CSGALNACT1: variants seen among roughly 807,000 people sequenced by gnomAD.
The protein encoded by CSGALNACT1 is chondroitin sulfate N-acetylgalactosaminyltransferase 1, also known as beta4GalNAcT-1.
A neutral mutation model predicts 51.0 loss-of-function variants in CSGALNACT1; 52 were observed. That is an observed-to-expected ratio of 1.02 (90% confidence interval 0.82 to 1.29). The LOEUF (loss-of-function observed/expected upper bound fraction) is 1.29. CSGALNACT1 is among the 50% of genes most tolerant of loss of function. CSGALNACT1 has a pLI of 0.00. For missense variants in CSGALNACT1, 935 were observed against 679.2 expected (o/e 1.38, Z -4.19); for synonymous variants, 341 against 254.4 (o/e 1.34, Z -3.24).
chr8:19,591,251 C>A (rs1037194062), exon 3 of CSGALNACT1: 3 of 152,214 alleles, frequency 2.0e-5, no homozygotes, highest in African/African-American at 7.2e-5. Flanking sequence ...CAGCTCCCCA[C>A]ATTTTATGCC....
chr8:19,419,047 T>A (rs1389650888), intron 7 of CSGALNACT1, among the ~76,000 whole-genome samples: 1 of 152,112 alleles, frequency 6.6e-6, no homozygotes, highest in Admixed American at 6.6e-5. Context: ...GGTTTCACCA[T>A]GTTGGTCAGG....
intron 3 of CSGALNACT1, among the ~76,000 whole-genome samples, chr8:19,512,291 G>C (rs925846971): frequency 6.6e-6 from 1 of 152,190 alleles, no homozygotes; most frequent in Non-Finnish European, 1.5e-5. Context: ...CCCTGAAAGA[G>C]CTTGAAAATG....
At chr8:19,411,316 C>T (rs147487277) in intron 8 of CSGALNACT1, among the ~76,000 whole-genome samples, 80 of 152,340 alleles carry the variant, frequency 5.3e-4, no homozygotes, top group African/African-American at 1.7e-3. Flanking sequence ...ATCTGCTTCT[C>T]TGTTTGCTGA....
At chr8:19,660,405 T>A (rs1049015893) in intron 1 of CSGALNACT1, among the ~76,000 whole-genome samples, 5 of 152,168 alleles carry the variant, frequency 3.3e-5, no homozygotes, top group African/African-American at 1.2e-4. Context: ...AATTATACCT[T>A]CTGTCACTGC....
intron 1 of CSGALNACT1, among the ~76,000 whole-genome samples, chr8:19,725,161 T>C (rs1044011860): frequency 2.0e-5 from 3 of 152,226 alleles, no homozygotes; most frequent in Admixed American, 6.5e-5. Flanking sequence ...TCTGACACTA[T>C]GGATAACTGT....
chr8:19,423,441 G>A (rs1329851244), intron 6 of CSGALNACT1, among the ~76,000 whole-genome samples: 1 of 152,164 alleles, frequency 6.6e-6, no homozygotes, highest in East Asian at 1.9e-4. Flanking sequence ...TTGGTGGTGT[G>A]CATGCTTACC....
intron 8 of CSGALNACT1, among the ~76,000 whole-genome samples, chr8:19,417,041 A>T (rs1457077308): frequency 6.6e-6 from 1 of 151,900 alleles, no homozygotes; most frequent in Non-Finnish European, 1.5e-5. Flanking sequence ...TTTTTAGTAG[A>T]GATGGGTTTT....
intron 1 of CSGALNACT1, among the ~76,000 whole-genome samples, chr8:19,666,888 AGAGAGG>A (rs1564384367): frequency 1.0e-4 from 14 of 140,076 alleles, no homozygotes; most frequent in Admixed American, 5.7e-4. Context: ...AAAGAAAGAG[AGAGAGG>A]AAGTGAGGAA....
chr8:19,549,303 T>C (rs2087301517), intron 3 of CSGALNACT1, among the ~76,000 whole-genome samples: 1 of 152,176 alleles, frequency 6.6e-6, no homozygotes, highest in Non-Finnish European at 1.5e-5. Context: ...TAAATATTGT[T>C]CCTAACTAAG....
At chr8:19,528,931 C>T (rs1182867140) in intron 3 of CSGALNACT1, among the ~76,000 whole-genome samples, 1 of 152,168 alleles carries the variant, frequency 6.6e-6, no homozygotes, top group African/African-American at 2.4e-5. Flanking sequence ...TGGGGAAGGG[C>T]ACACAGCCTT....
chr8:19,589,172 C>G (rs1167312468), intron 3 of CSGALNACT1, among the ~76,000 whole-genome samples: 1 of 152,132 alleles, frequency 6.6e-6, no homozygotes, highest in African/African-American at 2.4e-5. Context: ...TTGCAGTAGG[C>G]TGGGTAAAGC....
At chr8:19,685,221 G>A (rs572265767), upstream of CSGALNACT1, among the ~76,000 whole-genome samples, 38 of 152,300 alleles carry the variant, frequency 2.5e-4, no homozygotes, top group African/African-American at 8.4e-4. Flanking sequence ...CAAGATAATG[G>A]GAGTTTTTTC....
At chr8:19,509,305 T>A (rs975830670) in intron 3 of CSGALNACT1, among the ~76,000 whole-genome samples, 70 of 152,122 alleles carry the variant, frequency 4.6e-4, no homozygotes, top group African/African-American at 1.7e-3. Context: ...TTTCCTTCGG[T>A]AGCACAAAAC....
intron 4 of CSGALNACT1, among the ~76,000 whole-genome samples, chr8:19,473,045 G>C (rs1216853186): frequency 1.3e-5 from 2 of 152,096 alleles, no homozygotes; most frequent in Non-Finnish European, 2.9e-5. Context: ...CAGTCAAACA[G>C]GTCAGGACTC....
intron 3 of CSGALNACT1, among the ~76,000 whole-genome samples, chr8:19,519,000 G>A (rs745942774): frequency 6.6e-6 from 1 of 152,194 alleles, no homozygotes; most frequent in African/African-American, 2.4e-5. Flanking sequence ...CAGGTAGAAG[G>A]GGGGAACTGA....
chr8:19,455,192 T>A (rs1377069324), intron 5 of CSGALNACT1, among the ~76,000 whole-genome samples: 1 of 152,222 alleles, frequency 6.6e-6, no homozygotes, highest in African/African-American at 2.4e-5. Flanking sequence ...TAGCCAAGTA[T>A]TACCTTTTAC....
intron 2 of CSGALNACT1, among the ~76,000 whole-genome samples, chr8:19,595,988 C>G (rs1199684077): frequency 6.6e-6 from 1 of 151,714 alleles, no homozygotes; most frequent in Non-Finnish European, 1.5e-5. Flanking sequence ...TCTAGCCTCC[C>G]AAGTGGCTGT....
intron 1 of CSGALNACT1, among the ~76,000 whole-genome samples, chr8:19,641,103 T>A (rs1162274425): frequency 6.7e-6 from 1 of 150,148 alleles, no homozygotes; most frequent in Admixed American, 6.7e-5. Context: ...GGAATCTACC[T>A]GTATTACCAA....
chr8:19,653,674 G>C (rs1007318391), intron 1 of CSGALNACT1, among the ~76,000 whole-genome samples: 1 of 152,074 alleles, frequency 6.6e-6, no homozygotes, highest in African/African-American at 2.4e-5. Flanking sequence ...CACATCTGTA[G>C]TCCCAGCTAC....
Sources: gnomAD v4.1 joint callset for allele counts (sites outside exome capture counted in the v4.1 genomes callset) on GRCh38, gnomAD v4.1.1 for gene constraint, MANE v1.5 for transcripts, NCBI Gene and HGNC (gene_info 2026-07-23, HGNC 2026-07-21) for gene names.